Variants in PALM2AKAP2 observed in about 807,000 individuals in gnomAD.
PALM2AKAP2 encodes PALM2 and AKAP2 fusion.
Under a neutral mutation model 71.5 loss-of-function variants are expected in PALM2AKAP2, and 37 were observed. The observed-to-expected ratio is 0.52, with a 90% CI of 0.40 to 0.68. The LOEUF (loss-of-function observed/expected upper bound fraction) is 0.68, where lower values mean the gene tolerates loss of function less well. Among genes scored for constraint, PALM2AKAP2 ranks in the 30% least tolerant of loss-of-function variants. The pLI, the probability that PALM2AKAP2 is intolerant of heterozygous loss-of-function variation, is 0.00. For missense variants in PALM2AKAP2, 1,224 were observed against 1,191.8 expected (o/e 1.03, Z -0.40); for synonymous variants, 468 against 478.8 (o/e 0.98, Z 0.29).
intron 1 of PALM2AKAP2, among the ~76,000 whole-genome samples, chr9:110,119,132 CAA>C (rs1361582979): frequency 6.6e-6 from 1 of 151,918 alleles, no homozygotes; most frequent in Non-Finnish European, 1.5e-5. Context: ...ATCATGAGGT[CAA>C]GAGATCGAGA....
chr9:109,726,647 A>G (rs1228135924), intron 1 of PALM2AKAP2, among the ~76,000 whole-genome samples: 1 of 152,204 alleles, frequency 6.6e-6, no homozygotes, highest in East Asian at 1.9e-4. Context: ...ATATGTGTGT[A>G]TGTGTGTAGA....
intron 1 of PALM2AKAP2, among the ~76,000 whole-genome samples, chr9:110,068,085 C>CTTTTTTTTTT (rs1166191446): frequency 2.1e-5 from 2 of 94,024 alleles, no homozygotes; most frequent in African/African-American, 1.1e-4. Context: ...ATGTTCCAAA[C>CTTTTTTTTTT]TCTTTTTTTT....
intron 1 of PALM2AKAP2, among the ~76,000 whole-genome samples, chr9:109,730,136 G>A (rs1328755591): frequency 6.6e-6 from 1 of 152,212 alleles, no homozygotes; most frequent in East Asian, 1.9e-4. Flanking sequence ...GGAAAGAGGA[G>A]TAATAGGAGA....
intron 2 of PALM2AKAP2, among the ~76,000 whole-genome samples, chr9:110,154,650 G>A (rs1401526758): frequency 6.6e-6 from 1 of 152,114 alleles, no homozygotes; most frequent in Non-Finnish European, 1.5e-5. Context: ...ACTTATTATT[G>A]TACTGTTAAT....
chr9:110,048,884 G>A, intron 1 of PALM2AKAP2: 1 of 1,517,920 alleles, frequency 6.6e-7, no homozygotes, highest in Non-Finnish European at 8.8e-7. Context: ...GAGGGGAGGG[G>A]CTGGAGTGTC....
intron 3 of PALM2AKAP2, among the ~76,000 whole-genome samples, chr9:109,916,378 T>C (rs907915392): frequency 6.6e-6 from 1 of 152,188 alleles, no homozygotes; most frequent in Admixed American, 6.5e-5. Context: ...GGCCAGGTAT[T>C]TGAGAGCCAG....
intron 1 of PALM2AKAP2, among the ~76,000 whole-genome samples, chr9:110,123,165 G>A (rs1835527003): frequency 1.3e-5 from 2 of 152,224 alleles, no homozygotes; most frequent in Non-Finnish European, 2.9e-5. Flanking sequence ...ACAAATGCAT[G>A]GGTGTGTATG....
exon 7 of PALM2AKAP2, chr9:110,015,980 A>G: frequency 6.2e-7 from 1 of 1,614,064 alleles, no homozygotes; most frequent in East Asian, 2.2e-5. Context: ...TGTGCTGCTA[A>G]AGGAAGGTGA....
At chr9:110,011,014 A>AATATATATATATATATATAT (rs1554737804) in intron 6 of PALM2AKAP2, among the ~76,000 whole-genome samples, 8 of 69,566 alleles carry the variant, frequency 1.1e-4, no homozygotes, top group African/African-American at 2.4e-4. Context: ...AAAAAAAAAA[A>AATATATATATATATATATAT]ATATATATAT....
upstream of PALM2AKAP2, among the ~76,000 whole-genome samples, chr9:109,779,564 G>A (rs1469124493): frequency 6.6e-6 from 1 of 152,198 alleles, no homozygotes; most frequent in Non-Finnish European, 1.5e-5. Flanking sequence ...GAGTGATTAA[G>A]CGAGTTGCCT....
intron 5 of PALM2AKAP2, among the ~76,000 whole-genome samples, chr9:109,927,321 A>G (rs777414376): frequency 1.3e-5 from 2 of 152,162 alleles, no homozygotes; most frequent in Non-Finnish European, 1.5e-5. Flanking sequence ...TTATCTTCTC[A>G]TTCTTCAATT....
intron 3 of PALM2AKAP2, among the ~76,000 whole-genome samples, chr9:109,881,836 C>T (rs1163971725): frequency 6.7e-6 from 1 of 148,896 alleles, no homozygotes; most frequent in East Asian, 2.0e-4. Context: ...TGAAATCTCA[C>T]CACCTGGAGC....
At chr9:109,969,940 A>T (rs1167898499) in intron 6 of PALM2AKAP2, among the ~76,000 whole-genome samples, 3 of 152,254 alleles carry the variant, frequency 2.0e-5, no homozygotes, top group African/African-American at 7.2e-5. Flanking sequence ...GACCAAAAGT[A>T]GCCTCTGCCC....
At chr9:109,854,362 G>A (rs1453682563) in intron 1 of PALM2AKAP2, among the ~76,000 whole-genome samples, 1 of 152,188 alleles carries the variant, frequency 6.6e-6, no homozygotes, top group Non-Finnish European at 1.5e-5. Context: ...ATATGCAAGG[G>A]TTCCTATTCC....
chr9:109,947,373 C>T (rs1170267811), intron 6 of PALM2AKAP2, among the ~76,000 whole-genome samples: 1 of 152,192 alleles, frequency 6.6e-6, no homozygotes, highest in African/African-American at 2.4e-5. Context: ...AATATCATCT[C>T]TGGAGCAAAA....
intron 1 of PALM2AKAP2, among the ~76,000 whole-genome samples, chr9:109,674,236 A>C (rs963921534): frequency 6.6e-6 from 1 of 151,932 alleles, no homozygotes; most frequent in Non-Finnish European, 1.5e-5. Flanking sequence ...CATCATATCC[A>C]TATATGCCTA....
At chr9:110,001,699 G>C (rs141322988) in intron 6 of PALM2AKAP2, among the ~76,000 whole-genome samples, 2,811 of 152,200 alleles carry the variant, frequency 0.018, 97 homozygotes, top group African/African-American at 0.064. Flanking sequence ...TTGAGCAGTG[G>C]TTTGTAGTTC....
chr9:109,724,212 A>C (rs891755153), intron 1 of PALM2AKAP2, among the ~76,000 whole-genome samples: 1 of 152,190 alleles, frequency 6.6e-6, no homozygotes, highest in Non-Finnish European at 1.5e-5. Context: ...AAAAACAATA[A>C]AACTTAATAA....
chr9:110,062,497 G>A (rs907238676), intron 1 of PALM2AKAP2, among the ~76,000 whole-genome samples: 4 of 152,140 alleles, frequency 2.6e-5, no homozygotes, highest in African/African-American at 7.2e-5. Flanking sequence ...TAAAACTTAT[G>A]TAAATTAATT....
Sources: gnomAD v4.1 joint callset for allele counts (sites outside exome capture counted in the v4.1 genomes callset) on GRCh38, gnomAD v4.1.1 for gene constraint, MANE v1.5 for transcripts, NCBI Gene and HGNC (gene_info 2026-07-23, HGNC 2026-07-21) for gene names.